The following CACNA1I variants were observed in gnomAD, a reference collection of about 807,000 sequenced individuals.
CACNA1I encodes calcium voltage-gated channel subunit alpha1 I, also known as voltage-dependent T-type calcium channel subunit alpha-1I.
CACNA1I carries 74 observed loss-of-function variants against 201.6 expected under a neutral mutation model. That is an observed-to-expected ratio of 0.37 (90% CI 0.30 to 0.45). The LOEUF (loss-of-function observed/expected upper bound fraction) is 0.45. Ranked by LOEUF, CACNA1I falls within the 20% of genes least tolerant of loss-of-function variation. The pLI, the probability that CACNA1I is intolerant of heterozygous loss-of-function variation, is 1.00. For missense variants in CACNA1I, 2,346 were observed against 3,138.1 expected (o/e 0.75, Z 6.03); for synonymous variants, 1,431 against 1,345.2 (o/e 1.06, Z -1.40).
chr22:39,596,487 T>TGGGGGGGCAGGGC (rs1932897942), intron 1 of CACNA1I, among the ~76,000 whole-genome samples: 4 of 11,276 alleles, frequency 3.5e-4, no homozygotes, highest in Non-Finnish European at 4.6e-4. Flanking sequence ...GGGAGCAGGA[T>TGGGGGGGCAGGGC]GGAGAGAGAT....
At chr22:39,620,375 T>TCATCCACC (rs1179472412) in intron 4 of CACNA1I, among the ~76,000 whole-genome samples, 1 of 124,694 alleles carries the variant, frequency 8.0e-6, no homozygotes, top group Admixed American at 7.7e-5. Context: ...GTCCATCCAC[T>TCATCCACC]CATCCACCCA....
chr22:39,651,419 T>A (rs538527699), intron 10 of CACNA1I, among the ~76,000 whole-genome samples: 1 of 152,234 alleles, frequency 6.6e-6, no homozygotes, highest in Non-Finnish European at 1.5e-5. Flanking sequence ...AGCTGCTCAT[T>A]TGCCAGCCAT....
chr22:39,632,837 G>A (rs1346510118), intron 4 of CACNA1I, among the ~76,000 whole-genome samples: 7 of 151,322 alleles, frequency 4.6e-5, no homozygotes, highest in East Asian at 2.0e-4. Context: ...TGCTGTACAC[G>A]CCTCGCTTCC....
At chr22:39,663,309 C>T (rs768501230) in intron 18 of CACNA1I, among the ~76,000 whole-genome samples, 1 of 152,232 alleles carries the variant, frequency 6.6e-6, no homozygotes, top group Admixed American at 6.5e-5. Flanking sequence ...GAGGAGGAGG[C>T]CTTTGTGCTG....
At chr22:39,586,892 C>T (rs547191951) in intron 1 of CACNA1I, among the ~76,000 whole-genome samples, 4 of 152,270 alleles carry the variant, frequency 2.6e-5, no homozygotes, top group African/African-American at 9.6e-5. Flanking sequence ...TCTGCAGCCC[C>T]TGCCCAGGAG....
At chr22:39,667,072 C>A (rs986182965) in intron 23 of CACNA1I, among the ~76,000 whole-genome samples, 2 of 152,230 alleles carry the variant, frequency 1.3e-5, no homozygotes, top group South Asian at 4.1e-4. Context: ...AGGGTTCCAA[C>A]CTGGCCTGCA....
chr22:39,653,947 C>T (rs189489886), intron 10 of CACNA1I, among the ~76,000 whole-genome samples: 3 of 152,196 alleles, frequency 2.0e-5, no homozygotes, highest in Non-Finnish European at 4.4e-5. Flanking sequence ...GAAATTCCCA[C>T]CCCCTGGGTA....
At chr22:39,615,263 T>G (rs1933498846) in intron 3 of CACNA1I, among the ~76,000 whole-genome samples, 1 of 152,120 alleles carries the variant, frequency 6.6e-6, no homozygotes, top group African/African-American at 2.4e-5. Flanking sequence ...TCGGGGGAGA[T>G]GGACGGAGGC....
rs1455702588 is a variant in CACNA1I, at chr22:39,661,321, G to A, written c.2901+11G>A. ...GACCAGCGCTCCCTGGTGAGTCCTT[G>A]TGGGGAGCTCTGGACGGGCGCTTCC... is the stretch of plus-strand genomic sequence containing the variant. On this transcript the variant is annotated intron_variant, in intron 16 of 36. Coordinates refer to ENST00000402142, the MANE Select transcript of CACNA1I (RefSeq NM_021096.4). The A allele has an allele frequency of 6.5e-7, 1 of 1,544,012 alleles. No individual in the cohort carries two copies. Among genetic ancestry groups the A allele is most frequent in the East Asian group, 2.3e-5 (1 of 44,120 alleles).
intron 1 of CACNA1I, among the ~76,000 whole-genome samples, chr22:39,584,013 C>A (rs1014766984): frequency 2.0e-5 from 3 of 152,172 alleles, no homozygotes; most frequent in Non-Finnish European, 4.4e-5. Flanking sequence ...TCACAGAGGG[C>A]CTTGTATGCC....
chr22:39,657,919 G>T (rs1191730252), intron 10 of CACNA1I, among the ~76,000 whole-genome samples: 5 of 152,220 alleles, frequency 3.3e-5, no homozygotes, highest in Admixed American at 2.0e-4. Context: ...TTTGTGGAAG[G>T]TCAGCGCTGT....
chr22:39,665,570 C>T lies in CACNA1I; in HGVS notation c.3924C>T (p.Asn1308=). The part of the protein sequence containing the change: ...TLISSLKPIG[N]IVLICCAFFI... ...TCTCCTCCCTCAAGCCCATCGGCAACATCGTGCTCATCTGCTGTGCCTTCT... is the reference window on the plus strand; with the variant it reads ...TCTCCTCCCTCAAGCCCATCGGCAATATCGTGCTCATCTGCTGTGCCTTCT... Residue 1308 remains asparagine, a synonymous_variant, in exon 22 of 37, where the codon AAC becomes AAT. Transcript: ENST00000402142. This position sits in a 1 kb window ranked among gnomAD's most constrained non-coding sequence, Gnocchi z 5.5. 6.2e-7 allele frequency: 1 copy of T among 1,613,878 alleles called. No homozygotes were observed. The highest frequency in any genetic ancestry group is 8.5e-7 in the Non-Finnish European group (1 of 1,179,806).
Position 39,665,598 on chromosome 22 carries a change from A to G in CACNA1I, c.3952A>G (p.Ile1318Val), listed in dbSNP as rs768448227. The change falls in exon 22 of 37, where the codon ATC becomes GTC. Residue 1318 changes from isoleucine (I) to valine (V), a missense_variant. Coordinates refer to ENST00000402142, the MANE Select transcript of CACNA1I (RefSeq NM_021096.4). This position sits in a 1 kb window ranked among gnomAD's most constrained non-coding sequence, Gnocchi z 5.5. ...CGTGCTCATCTGCTGTGCCTTCTTC[A>G]TCATCTTTGGCATCCTGGGAGTGCA... ...NIVLICCAFFIIFGILGVQLF... is the reference protein window; with the variant it reads ...NIVLICCAFFVIFGILGVQLF... 1.1e-4 allele frequency: 174 copies of G among 1,613,788 alleles called. No individual in the cohort carries two copies. The highest frequency in any genetic ancestry group is 1.4e-4 in the Non-Finnish European group (170 of 1,179,774).
chr22:39,628,907 G>T (rs1029799857), intron 4 of CACNA1I, among the ~76,000 whole-genome samples: 4 of 152,134 alleles, frequency 2.6e-5, no homozygotes, highest in African/African-American at 9.7e-5. Flanking sequence ...TTCTACTTGA[G>T]CTGGCCTGGC....
At chr22:39,615,984 G>A (rs780007334) in intron 3 of CACNA1I, among the ~76,000 whole-genome samples, 3 of 152,170 alleles carry the variant, frequency 2.0e-5, no homozygotes, top group Admixed American at 6.5e-5. Context: ...CTACAGGAAC[G>A]TTTTCTTGGG....
At position 39,649,688 on chromosome 22, in the gene CACNA1I, C is replaced by CTCCGCT; in HGVS notation, c.1755_1756insTCCGCT (p.Gly585_Glu586insSerAla). On this transcript the variant is annotated inframe_insertion, in exon 10 of 37. Transcript: ENST00000402142. The surrounding 1 kb of genome is among the most constrained non-coding windows in gnomAD (Gnocchi z 7.3). ...CGGGCTCCGGGAGCTCCGCTGGTGG[C>CTCCGCT]GAGGACGAGGCGGATGGGGACGGGG... The CTCCGCT allele has an allele frequency of 6.6e-7, 1 of 1,514,902 alleles. No individual in the cohort carries two copies. Among genetic ancestry groups the CTCCGCT allele is most frequent in the Non-Finnish European group, 8.9e-7 (1 of 1,127,870 alleles). 93.8% of individuals were successfully genotyped at this position (1,514,902 alleles called of 1,614,324 possible). A position where few individuals can be genotyped will look rare whatever the true frequency, so the allele number is the denominator to read the frequency against.
chr22:39,635,350 C>T (rs1934184690), intron 5 of CACNA1I, among the ~76,000 whole-genome samples: 1 of 151,874 alleles, frequency 6.6e-6, no homozygotes, highest in Non-Finnish European at 1.5e-5. Context: ...GGGGGGGGGT[C>T]CCTGCCCCCT....
chr22:39,591,979 C>G (rs1422185663), intron 1 of CACNA1I, among the ~76,000 whole-genome samples: 2 of 152,226 alleles, frequency 1.3e-5, no homozygotes, highest in Admixed American at 1.3e-4. Flanking sequence ...ACAACAGGCA[C>G]ACAATATAAG....
Position 39,646,695 on chromosome 22 carries a change from G to T in CACNA1I, c.1276G>T (p.Ala426Ser). 6.3e-7 allele frequency: 1 copy of T among 1,591,492 alleles called. No individual in the cohort carries two copies. The highest frequency in any genetic ancestry group is 1.7e-5 in the Admixed American group (1 of 57,390). ...GCGCTACCTGTCCTCCAGCACGGTG[G>T]CCAGCTACGCCGAGCCTGGCGACTG... Reference protein sequence around the residue: ...RQRYLSSSTVASYAEPGDCYE... With the variant: ...RQRYLSSSTVSSYAEPGDCYE... Residue 426 changes from alanine (A) to serine (S), a missense_variant, in exon 8 of 37, where the codon GCC (alanine) becomes TCC (serine). By Grantham distance (99) the Ala-to-Ser change is moderately conservative. Transcript: ENST00000402142.
Sources: gnomAD v4.1 joint callset for allele counts (sites outside exome capture counted in the v4.1 genomes callset) on GRCh38, gnomAD v4.1.1 for gene constraint, Gnocchi (gnomAD v3.1) non-coding constraint, MANE v1.5 for transcripts, NCBI Gene and HGNC (gene_info 2026-07-23, HGNC 2026-07-21) for gene names.